The following ADARB2 variants were observed in gnomAD, a reference collection of about 807,000 sequenced individuals.
ADARB2 encodes adenosine deaminase RNA specific B2 (inactive).
ADARB2 carries 25 observed loss-of-function variants against 62.2 expected under a neutral mutation model. That is an observed-to-expected ratio of 0.40 (90% CI 0.29 to 0.56). The LOEUF (loss-of-function observed/expected upper bound fraction) is 0.56. ADARB2 is among the 20% of genes least tolerant of loss of function. ADARB2 has a pLI of 0.43. For synonymous variants in ADARB2, 572 were observed against 500.8 expected, an observed-to-expected ratio of 1.14 and a Z score of -1.90; for missense variants, 1,071 against 1,077.4, an observed-to-expected ratio of 0.99 and a Z score of 0.08.
intron 1 of ADARB2, among the ~76,000 whole-genome samples, chr10:1,453,326 C>T (rs917420607): frequency 4.6e-5 from 7 of 152,168 alleles, no homozygotes; most frequent in African/African-American, 1.2e-4. Context: ...GTGTCACATC[C>T]GAGAAATTCA....
chr10:1,510,098 T>TTCTTTCTC (rs1564312423), intron 1 of ADARB2, among the ~76,000 whole-genome samples: 2 of 121,250 alleles, frequency 1.6e-5, no homozygotes, highest in East Asian at 4.4e-4. Flanking sequence ...TCTCTCTCTT[T>TTCTTTCTC]TCTTTCTTTC....
chr10:1,299,497 G>A (rs183613843), intron 3 of ADARB2, among the ~76,000 whole-genome samples: 222 of 152,288 alleles, frequency 1.5e-3, no homozygotes, highest in African/African-American at 4.2e-3. Context: ...GTGCAGCCCC[G>A]TATGTCATCC....
chr10:1,686,377 C>T (rs2119121608), intron 1 of ADARB2, among the ~76,000 whole-genome samples: 1 of 152,270 alleles, frequency 6.6e-6, no homozygotes, highest in South Asian at 2.1e-4. Context: ...AGAGTGAGAA[C>T]CAAATAGGTT....
chr10:1,204,855 C>T (rs894443140), intron 7 of ADARB2, among the ~76,000 whole-genome samples: 4 of 152,318 alleles, frequency 2.6e-5, no homozygotes, highest in Admixed American at 6.5e-5. Flanking sequence ...ATGGACAGTT[C>T]GTCCCTTCGC....
intron 7 of ADARB2, among the ~76,000 whole-genome samples, chr10:1,212,619 G>A (rs1268467347): frequency 2.0e-5 from 3 of 152,206 alleles, no homozygotes; most frequent in African/African-American, 7.2e-5. Flanking sequence ...ACAGTGGCAG[G>A]CACCCTGCAA....
chr10:1,339,831 A>G (rs777765037), intron 3 of ADARB2, among the ~76,000 whole-genome samples: 1 of 152,232 alleles, frequency 6.6e-6, no homozygotes, highest in Non-Finnish European at 1.5e-5. Flanking sequence ...TGCATTCCCA[A>G]CAATATGACA....
chr10:1,712,473 G>A (rs542544422), intron 1 of ADARB2, among the ~76,000 whole-genome samples: 1 of 152,032 alleles, frequency 6.6e-6, no homozygotes, highest in African/African-American at 2.4e-5. Flanking sequence ...GAGAGGCTGT[G>A]TGGAAGCACA....
intron 3 of ADARB2, among the ~76,000 whole-genome samples, chr10:1,322,576 C>T (rs1178459039): frequency 6.6e-6 from 1 of 152,078 alleles, no homozygotes; most frequent in Non-Finnish European, 1.5e-5. Flanking sequence ...ATTAACAAAA[C>T]AGGCAAGGGA....
At chr10:1,368,198 C>T (rs540493013) in intron 2 of ADARB2, among the ~76,000 whole-genome samples, 4 of 147,740 alleles carry the variant, frequency 2.7e-5, no homozygotes, top group Admixed American at 6.8e-5. Flanking sequence ...TGACCCTGGG[C>T]AAGTCACTCA....
Position 1,638,534 on chromosome 10 carries a change from G to A in ADARB2, c.100+98517C>T, listed in dbSNP as rs140282008. Among the ~76,000 whole-genome samples, 431 of 151,294 alleles carry A rather than the reference G, an allele frequency of 2.8e-3. 1 individual carries two copies. The highest frequency in any genetic ancestry group is 9.4e-3 in the African/African-American group (390 of 41,284). On this transcript the variant is annotated intron_variant, in intron 1 of 9. Transcript: ENST00000381312. ...TTTTTTTTTGGTCAGGCCAATTATA[G>A]CGAAGGATACATATTTCAGGTGAAC...
chr10:1,470,951 C>T (rs893399572), intron 1 of ADARB2, among the ~76,000 whole-genome samples: 5 of 152,158 alleles, frequency 3.3e-5, no homozygotes, highest in South Asian at 2.1e-4. Flanking sequence ...CTCAGCTATT[C>T]GGGAGGCTGA....
At chr10:1,282,069 C>T (rs1831375677) in intron 3 of ADARB2, among the ~76,000 whole-genome samples, 1 of 152,170 alleles carries the variant, frequency 6.6e-6, no homozygotes, top group Non-Finnish European at 1.5e-5. Flanking sequence ...CTGGGGTCCC[C>T]ACAGGTTGGC....
At chr10:1,703,232 G>A (rs147089386) in intron 1 of ADARB2, among the ~76,000 whole-genome samples, 1 of 152,150 alleles carries the variant, frequency 6.6e-6, no homozygotes, top group Non-Finnish European at 1.5e-5. Context: ...GGAGGGCATG[G>A]GCATAAATAG....
chr10:1,215,992 G>C (rs560332110), intron 7 of ADARB2: 40 of 151,820 alleles, frequency 2.6e-4, no homozygotes, highest in African/African-American at 9.2e-4. Flanking sequence ...AGAGCAACGT[G>C]GGGGAGGCCT....
chr10:1,271,142 C>T (rs879474489), intron 3 of ADARB2, 73 bp from the exon 4 acceptor site: 11 of 1,231,426 alleles, frequency 8.9e-6, no homozygotes, highest in Non-Finnish European at 1.3e-5. Flanking sequence ...CACTGTCCTC[C>T]CCGTCCTCAC....
rs111926883 is a variant in ADARB2 at position 1,546,960 on chromosome 10, G to T, written c.101-167800C>A. Among the ~76,000 whole-genome samples, 1,248 of 152,322 alleles carry T rather than the reference G, an allele frequency of 8.2e-3. 7 individuals carry two copies. The highest frequency in any genetic ancestry group is 0.028 in the African/African-American group (1,180 of 41,568). ...ACACACTCACTGGTTTTGGGGAAAG[G>T]GTGAACAACCCAGTGAGCACTGCAT... On this transcript the variant is annotated intron_variant, in intron 1 of 9. Coordinates refer to ENST00000381312, the MANE Select transcript of ADARB2 (RefSeq NM_018702.4).
At chr10:1,606,504 G>T (rs1230905028) in intron 1 of ADARB2, among the ~76,000 whole-genome samples, 1 of 152,144 alleles carries the variant, frequency 6.6e-6, no homozygotes, top group African/African-American at 2.4e-5. Context: ...AGGCTGATTG[G>T]CAAAACATGC....
At chr10:1,585,157 A>G (rs1291665126) in intron 1 of ADARB2, among the ~76,000 whole-genome samples, 1 of 152,114 alleles carries the variant, frequency 6.6e-6, no homozygotes, top group Non-Finnish European at 1.5e-5. Context: ...ATCGACTACA[A>G]CAAAAACCCC....
At chr10:1,447,079 T>C (rs1830979379) in intron 1 of ADARB2, among the ~76,000 whole-genome samples, 1 of 152,256 alleles carries the variant, frequency 6.6e-6, no homozygotes, top group African/African-American at 2.4e-5. Context: ...AATTTAATTA[T>C]AACTTTATAT....
Sources: allele counts gnomAD v4.1 joint callset (sites outside exome capture counted in the v4.1 genomes callset), GRCh38; gene constraint gnomAD v4.1.1; transcripts MANE v1.5; gene names NCBI Gene and HGNC (gene_info 2026-07-23, HGNC 2026-07-21).